Variants in ESR1 observed in about 807,000 individuals in gnomAD.
The protein encoded by ESR1 is estrogen receptor 1, also known as estrogen receptor.
Under a neutral mutation model 52.7 loss-of-function variants are expected in ESR1, and 12 were observed. That is an observed-to-expected ratio of 0.23 (90% confidence interval 0.15 to 0.37). ESR1 has a LOEUF of 0.37. ESR1 is among the 10% of genes least tolerant of loss of function. ESR1 has a pLI of 1.00. For missense variants in ESR1, 584 were observed against 779.7 expected (o/e 0.75, Z 2.99); for synonymous variants, 305 against 316.8 (o/e 0.96, Z 0.39).
chr6:151,860,004 C>T (rs894495385), intron 2 of ESR1, among the ~76,000 whole-genome samples: 1 of 152,154 alleles, frequency 6.6e-6, no homozygotes, highest in African/African-American at 2.4e-5. Flanking sequence ...CTCTTGTTGG[C>T]TCTATCCCAT....
intron 3 of ESR1, among the ~76,000 whole-genome samples, chr6:151,933,430 A>G (rs1250249430): frequency 8.0e-5 from 12 of 150,180 alleles, no homozygotes; most frequent in Non-Finnish European, 1.5e-4. Context: ...TCTTTTCCTA[A>G]TTGAATACCC....
exon 7 of ESR1, chr6:152,128,666 A>G (rs1412397265): frequency 2.0e-5 from 3 of 152,256 alleles, no homozygotes. Flanking sequence ...ATGCGTATCT[A>G]AAAATTTCCC....
At chr6:151,890,203 G>A (rs1262496590) in intron 3 of ESR1, among the ~76,000 whole-genome samples, 4 of 151,562 alleles carry the variant, frequency 2.6e-5, no homozygotes, top group Non-Finnish European at 5.9e-5. Context: ...TCATACCTCA[G>A]CCTCCCGAGC....
intron 4 of ESR1, among the ~76,000 whole-genome samples, chr6:151,964,625 T>C (rs918310875): frequency 2.8e-5 from 4 of 143,434 alleles, no homozygotes; most frequent in East Asian, 2.0e-4. Context: ...ACAGAGACAA[T>C]TTCATTTCCC....
intron 1 of ESR1, among the ~76,000 whole-genome samples, chr6:151,810,469 C>T (rs1265849342): frequency 6.6e-6 from 1 of 152,074 alleles, no homozygotes; most frequent in Non-Finnish European, 1.5e-5. Context: ...TATTTTTCCC[C>T]TCTCAGTTTT....
intron 6 of ESR1, among the ~76,000 whole-genome samples, chr6:152,086,593 C>A (rs1399179897): frequency 6.7e-6 from 1 of 150,082 alleles, no homozygotes; most frequent in Non-Finnish European, 1.5e-5. Context: ...TGTTGATGCA[C>A]CAAGTATTTA....
At chr6:151,713,277 A>T (rs999543884) in intron 2 of ESR1, among the ~76,000 whole-genome samples, 2 of 152,198 alleles carry the variant, frequency 1.3e-5, no homozygotes, top group Non-Finnish European at 2.9e-5. Context: ...AATGTTCATC[A>T]GAGATATTGG....
chr6:151,932,050 C>G (rs1372759267), intron 3 of ESR1, among the ~76,000 whole-genome samples: 3 of 149,104 alleles, frequency 2.0e-5, no homozygotes, highest in Non-Finnish European at 4.5e-5. Context: ...AATGGTTGAA[C>G]TAGTTTACAG....
intron 4 of ESR1, among the ~76,000 whole-genome samples, chr6:151,987,280 A>C (rs944325884): frequency 1.6e-4 from 24 of 151,990 alleles, no homozygotes; most frequent in Non-Finnish European, 8.8e-5. Flanking sequence ...TTGTTTTGAG[A>C]CAGAGTCTTG....
intron 1 of ESR1, among the ~76,000 whole-genome samples, 183 bp downstream of exon 1, chr6:151,808,547 G>C (rs1195420877): frequency 2.0e-5 from 3 of 152,144 alleles, no homozygotes; most frequent in Non-Finnish European, 4.4e-5. Flanking sequence ...CCCGCGCTGC[G>C]TTCAGAGTCA....
chr6:151,903,228 T>C (rs1446032337), intron 3 of ESR1, among the ~76,000 whole-genome samples: 2 of 152,182 alleles, frequency 1.3e-5, no homozygotes. Context: ...CTGGAAGTCA[T>C]CATGTTTTCC....
chr6:151,857,496 C>A (rs2128277682), intron 2 of ESR1, among the ~76,000 whole-genome samples: 2 of 151,366 alleles, frequency 1.3e-5, no homozygotes, highest in African/African-American at 4.8e-5. Flanking sequence ...CACCCACCCA[C>A]ACACACACAC....
intron 1 of ESR1, among the ~76,000 whole-genome samples, chr6:151,682,749 A>T (rs564144858): frequency 1.3e-5 from 2 of 152,216 alleles, no homozygotes; most frequent in East Asian, 3.9e-4. Flanking sequence ...AAGTTTTCAG[A>T]CTCTTCCTTC....
chr6:151,856,318 G>A (rs1242536504), intron 2 of ESR1, among the ~76,000 whole-genome samples: 1 of 152,116 alleles, frequency 6.6e-6, no homozygotes, highest in African/African-American at 2.4e-5. Context: ...AATTTATTAA[G>A]GTAGGCTTAG....
chr6:151,816,785 T>C (rs1779717784), intron 1 of ESR1, among the ~76,000 whole-genome samples: 2 of 152,154 alleles, frequency 1.3e-5, no homozygotes, highest in South Asian at 4.1e-4. Context: ...TGCTCATGCC[T>C]GTCATCCCAG....
At chr6:151,988,378 C>G (rs1183097607) in intron 4 of ESR1, among the ~76,000 whole-genome samples, 2 of 152,082 alleles carry the variant, frequency 1.3e-5, no homozygotes, top group African/African-American at 4.8e-5. Flanking sequence ...TGCCACTGAT[C>G]TGACAGGAGG....
intron 1 of ESR1, among the ~76,000 whole-genome samples, chr6:151,817,614 G>A (rs1461971527): frequency 6.6e-6 from 1 of 152,132 alleles, no homozygotes; most frequent in Non-Finnish European, 1.5e-5. Flanking sequence ...CGTTGCATTT[G>A]ATATGGAATA....
intron 4 of ESR1, among the ~76,000 whole-genome samples, chr6:151,956,668 A>G (rs2036946000): frequency 6.6e-6 from 1 of 151,968 alleles, no homozygotes; most frequent in African/African-American, 2.4e-5. Flanking sequence ...AGCATAGGCT[A>G]AAGAAGTGAT....
intron 1 of ESR1, among the ~76,000 whole-genome samples, chr6:151,701,182 C>G (rs1399540532): frequency 6.6e-6 from 1 of 151,130 alleles, no homozygotes; most frequent in Non-Finnish European, 1.5e-5. Flanking sequence ...TGCTGCTGCA[C>G]ATGTGATTTG....
Sources: allele counts gnomAD v4.1 joint callset (sites outside exome capture counted in the v4.1 genomes callset), GRCh38; gene constraint gnomAD v4.1.1; transcripts MANE v1.5; gene names NCBI Gene and HGNC (gene_info 2026-07-23, HGNC 2026-07-21).